The following RTTN variants were observed in gnomAD, a reference collection of about 807,000 sequenced individuals.
RTTN encodes the protein rotatin.
In RTTN, 182 loss-of-function variants were observed where a neutral mutation model predicts 269.2. That is an observed-to-expected ratio of 0.68 (90% CI 0.60 to 0.76). The LOEUF is 0.76. Among genes scored for constraint, RTTN ranks in the 30% least tolerant of loss-of-function variants. RTTN has a pLI of 0.00. For synonymous variants in RTTN, 1,006 were observed against 963.5 expected (o/e 1.04, Z -0.82); for missense variants, 2,545 against 2,608.6 (o/e 0.98, Z 0.53).
At chr18:70,028,647 C>T (rs1423690524) in intron 43 of RTTN, 77 bp downstream of exon 43, 3 of 784,592 alleles carry the variant, frequency 3.8e-6, no homozygotes, top group East Asian at 2.6e-5. Context: ...ATTTTTCCTA[C>T]TACATTATCT....
chr18:70,107,751 A>G (rs1469082944), intron 28 of RTTN, among the ~76,000 whole-genome samples: 1 of 152,252 alleles, frequency 6.6e-6, no homozygotes, highest in Non-Finnish European at 1.5e-5. Flanking sequence ...GGTTCATTCT[A>G]TTAGAAAGAT....
At chr18:70,184,719 TGTGTGTG>T (rs2061502820) in intron 10 of RTTN, among the ~76,000 whole-genome samples, 1 of 94,970 alleles carries the variant, frequency 1.1e-5, no homozygotes, top group Non-Finnish European at 2.1e-5. Flanking sequence ...TTTTTTTTTG[TGTGTGTG>T]TGTGTGTGTG....
In RTTN at chr18:70,161,791, A is replaced by G. The variant is rs2060838446; in HGVS notation, c.1929+4271T>C. Among the ~76,000 whole-genome samples, 4 of 152,204 alleles carry G rather than the reference A, an allele frequency of 2.6e-5. No homozygotes were observed. In the South Asian group the frequency reaches 8.3e-4, roughly 32 times the overall value. On this transcript the variant is annotated intron_variant, in intron 14 of 48. Transcript: ENST00000640769. ...TAGAAAAATTCAAATCAAAACCACA[A>G]TGAGATATCATCTCATACCAGTCAG... is the stretch of plus-strand genomic sequence containing the variant.
Position 70,162,237 on chromosome 18 carries a change from T to A in RTTN, c.1929+3825A>T, listed in dbSNP as rs1213189566. On this transcript the variant is annotated intron_variant, in intron 14 of 48. Transcript: ENST00000640769. ...ACATGGATGCAACCAGAGGCCATTA[T>A]CCTAAGTGAATTAACACAGAAAAAC... Among the ~76,000 whole-genome samples the A allele has an allele frequency of 2.6e-5, 4 of 152,098 alleles. No homozygotes were observed. In the East Asian group the frequency reaches 7.7e-4, roughly 29 times the overall value.
At chr18:70,107,226 C>T (rs1424990762) in intron 28 of RTTN, among the ~76,000 whole-genome samples, 3 of 152,300 alleles carry the variant, frequency 2.0e-5, no homozygotes, top group Non-Finnish European at 2.9e-5. Context: ...CAGTGCTCGT[C>T]GGAACCTAGG....
intron 40 of RTTN, among the ~76,000 whole-genome samples, chr18:70,037,725 A>C (rs1219763634): frequency 6.6e-6 from 1 of 152,140 alleles, no homozygotes; most frequent in African/African-American, 2.4e-5. Flanking sequence ...GTTTGAGAAA[A>C]GCAGAGGGGA....
chr18:70,087,986 T>C lies in RTTN; in HGVS notation c.4302+3A>G, dbSNP rs780166426. The C allele has an allele frequency of 2.5e-6, 4 of 1,610,132 alleles. No individual in the cohort carries two copies. The highest frequency in any genetic ancestry group is 3.4e-6 in the Non-Finnish European group (4 of 1,178,804). Reference sequence around the variant, plus strand: ...GGAAAAAAAGGAGAAAAGACAGACATACCTCCCGGCGCACCATACTACATT... The same window carrying C: ...GGAAAAAAAGGAGAAAAGACAGACACACCTCCCGGCGCACCATACTACATT... On this transcript the variant is annotated splice_donor_region_variant and intron_variant, in intron 31 of 48. Coordinates refer to ENST00000640769, the MANE Select transcript of RTTN (RefSeq NM_173630.4).
intron 14 of RTTN, among the ~76,000 whole-genome samples, chr18:70,160,470 A>C (rs1162977161): frequency 6.6e-6 from 1 of 152,112 alleles, no homozygotes; most frequent in Non-Finnish European, 1.5e-5. Flanking sequence ...CCAGTATCAT[A>C]CTGAACAAGC....
At chr18:70,064,629 G>A (rs374879640) in intron 35 of RTTN, among the ~76,000 whole-genome samples, 1 of 152,034 alleles carries the variant, frequency 6.6e-6, no homozygotes, top group Non-Finnish European at 1.5e-5. Flanking sequence ...TGTCCAAAAC[G>A]GGCAAATCTA....
In RTTN at chr18:70,017,454, T is replaced by C; in HGVS notation, c.6374A>G (p.His2125Arg). 2 of 1,614,016 alleles carry C rather than the reference T, an allele frequency of 1.2e-6. No individual in the cohort carries two copies. The highest frequency in any genetic ancestry group is 1.7e-6 in the Non-Finnish European group (2 of 1,179,924). ...SSPLLPLLIF[H>R]NVCFSPANKP... is the part of the protein sequence containing the mutation. ...ATTTGCAGGACTGAAGCAAACATTATGAAAGATAAGAAGAGGCAATAAAGG... is the reference window on the plus strand; with the variant it reads ...ATTTGCAGGACTGAAGCAAACATTACGAAAGATAAGAAGAGGCAATAAAGG... Residue 2125 changes from histidine (H) to arginine (R), a missense_variant, in exon 46 of 49, where the codon CAT (histidine) becomes CGT (arginine). Transcript: ENST00000640769.
At chr18:70,172,232 A>T (rs1201531426) in intron 11 of RTTN, among the ~76,000 whole-genome samples, 1 of 152,224 alleles carries the variant, frequency 6.6e-6, no homozygotes, top group Non-Finnish European at 1.5e-5. Flanking sequence ...ATTTAATATC[A>T]ACAAATATCA....
At position 70,193,962 on chromosome 18, in the gene RTTN, G is replaced by A. The variant is rs185389566; in HGVS notation, c.842-509C>T. On this transcript the variant is annotated intron_variant, in intron 7 of 48. Coordinates refer to ENST00000640769, the MANE Select transcript of RTTN (RefSeq NM_173630.4). ...GACTTCATCAAAATCTAAAACTTTG[G>A]TACACCAAGGGAACATTACAAGAAA... Among the ~76,000 whole-genome samples, 175 of 152,246 alleles carry A rather than the reference G, an allele frequency of 1.1e-3. 1 individual carries two copies. The highest frequency in any genetic ancestry group is 3.7e-3 in the African/African-American group (154 of 41,544).
Position 70,149,540 on chromosome 18 carries a change from T to TAAA in RTTN, c.2172+430_2172+431insTTT, listed in dbSNP as rs146561568. Among the ~76,000 whole-genome samples, 6 of 145,410 alleles carry TAAA rather than the reference T, an allele frequency of 4.1e-5. 1 individual carries two copies. The highest frequency in any genetic ancestry group is 1.5e-5 in the Non-Finnish European group (1 of 66,364). The stretch of plus-strand genomic sequence containing the variant: ...TTTAATGTCCAGAAGGATTGCTTTT[T>TAAA]TAAAAAAAAAAAAAAAAGCTGTTTC... On this transcript the variant is annotated intron_variant, in intron 16 of 48. Transcript: ENST00000640769.
intron 20 of RTTN, 68 bp from the exon 21 acceptor site, chr18:70,139,784 ATAT>A: frequency 1.1e-6 from 1 of 901,006 alleles, no homozygotes; most frequent in South Asian, 1.5e-5. Flanking sequence ...ACAGACCATA[ATAT>A]TATCTTACTC....
At chr18:70,010,696 A>T (rs1370130652) in intron 46 of RTTN, among the ~76,000 whole-genome samples, 1 of 152,208 alleles carries the variant, frequency 6.6e-6, no homozygotes, top group Non-Finnish European at 1.5e-5. Flanking sequence ...GCAACAGCAA[A>T]CAAATTCAAA....
Position 70,109,681 on chromosome 18 carries a change from C to T in RTTN, c.3720G>A (p.Gln1240=). The T allele has an allele frequency of 6.2e-7, 1 of 1,614,014 alleles. No homozygotes were observed. The highest frequency in any genetic ancestry group is 8.5e-7 in the Non-Finnish European group (1 of 1,180,020). Residue 1240 remains glutamine, a synonymous_variant, in exon 28 of 49, where the codon CAG becomes CAA. Transcript: ENST00000640769. ...CSELLYVFQT[Q]LALKLLQCLK... is the part of the protein sequence containing the mutation. ...GACACTGGAGCAGTTTCAGAGCCAG[C>T]TGCGTTTGAAAAACGTAAAGAAGTT... is the stretch of plus-strand genomic sequence containing the variant.
chr18:70,046,772 C>T (rs1312842703), intron 40 of RTTN, among the ~76,000 whole-genome samples: 2 of 152,108 alleles, frequency 1.3e-5, no homozygotes, highest in African/African-American at 2.4e-5. Flanking sequence ...CTTCTGAAGG[C>T]GCTGCTGGAG....
At chr18:70,042,364 T>C (rs2057366386) in intron 40 of RTTN, among the ~76,000 whole-genome samples, 1 of 146,518 alleles carries the variant, frequency 6.8e-6, no homozygotes, top group South Asian at 2.1e-4. Flanking sequence ...CTTTGGAATT[T>C]TCTTTTTTTT....
At chr18:70,160,901 T>C (rs1230528240) in intron 14 of RTTN, among the ~76,000 whole-genome samples, 5 of 152,144 alleles carry the variant, frequency 3.3e-5, no homozygotes, top group Admixed American at 3.3e-4. Context: ...GAATCAATAT[T>C]GTTAAAATGG....
Sources: gnomAD v4.1 joint callset for allele counts (sites outside exome capture counted in the v4.1 genomes callset) on GRCh38, gnomAD v4.1.1 for gene constraint, MANE v1.5 for transcripts, NCBI Gene and HGNC (gene_info 2026-07-23, HGNC 2026-07-21) for gene names.